EPHA6: variants seen among roughly 807,000 people sequenced by gnomAD.
EPHA6 encodes ephrin type-A receptor 6.
A neutral mutation model predicts 112.0 loss-of-function variants in EPHA6; 50 were observed. The observed-to-expected ratio is 0.45, with a 90% CI of 0.36 to 0.56. The LOEUF (loss-of-function observed/expected upper bound fraction) is 0.56, where lower values mean the gene tolerates loss of function less well. Ranked by LOEUF, EPHA6 falls within the 20% of genes least tolerant of loss-of-function variation. The pLI is 0.00. For missense variants in EPHA6, 1,280 were observed against 1,417.4 expected, an observed-to-expected ratio of 0.90 and a Z score of 1.56; for synonymous variants, 529 against 490.7, an observed-to-expected ratio of 1.08 and a Z score of -1.03.
intron 4 of EPHA6, among the ~76,000 whole-genome samples, chr3:97,233,737 G>T (rs2108560582): frequency 6.6e-6 from 1 of 152,174 alleles, no homozygotes; most frequent in South Asian, 2.1e-4. Flanking sequence ...GGATTTAAAA[G>T]GAAGCATTTT....
At chr3:97,403,168 A>G (rs1212060777) in intron 5 of EPHA6, among the ~76,000 whole-genome samples, 1 of 152,112 alleles carries the variant, frequency 6.6e-6, no homozygotes, top group Non-Finnish European at 1.5e-5. Context: ...AACTTTATAT[A>G]TATATGAAAC....
At chr3:97,675,155 C>T (rs1177036699) in intron 14 of EPHA6, among the ~76,000 whole-genome samples, 4 of 152,116 alleles carry the variant, frequency 2.6e-5, no homozygotes, top group African/African-American at 9.7e-5. Flanking sequence ...ACAAAACATG[C>T]AGAACTTGAA....
intron 4 of EPHA6, among the ~76,000 whole-genome samples, chr3:97,234,316 C>CA (rs1016876445): frequency 1.1e-4 from 16 of 151,608 alleles, no homozygotes; most frequent in East Asian, 5.8e-4. Context: ...TTTATATTAT[C>CA]AAAAAAAATG....
At chr3:97,516,061 A>G (rs2092443870) in intron 10 of EPHA6, among the ~76,000 whole-genome samples, 1 of 152,164 alleles carries the variant, frequency 6.6e-6, no homozygotes, top group Non-Finnish European at 1.5e-5. Context: ...TCTCTATGGT[A>G]TCGGTATAAT....
chr3:97,254,231 C>T (rs2079232910), intron 5 of EPHA6, among the ~76,000 whole-genome samples: 2 of 152,088 alleles, frequency 1.3e-5, no homozygotes, highest in South Asian at 4.1e-4. Context: ...CCCTGTCGCC[C>T]AGGCTGGAGT....
chr3:97,750,401 G>A lies in EPHA6; in HGVS notation c.*1700G>A, dbSNP rs2035870174. ...GGAGGCGTTTTGCTCTTGTTGCCCA[G>A]GCTGGAGTGCAATGGTGAGATCTTG... On this transcript the variant is annotated 3_prime_UTR_variant, in exon 18 of 18. Transcript: ENST00000389672. Among the ~76,000 whole-genome samples the A allele has an allele frequency of 6.6e-6, 1 of 151,702 alleles. No homozygotes were observed. The highest frequency in any genetic ancestry group is 1.5e-5 in the Non-Finnish European group (1 of 67,974).
At chr3:97,221,632 C>G (rs2078203848) in intron 3 of EPHA6, among the ~76,000 whole-genome samples, 1 of 152,126 alleles carries the variant, frequency 6.6e-6, no homozygotes, top group African/African-American at 2.4e-5. Context: ...TCTAACAAAA[C>G]CTAAGACCAC....
intron 7 of EPHA6, among the ~76,000 whole-genome samples, chr3:97,471,387 C>G (rs1361810907): frequency 6.6e-6 from 1 of 151,656 alleles, no homozygotes; most frequent in Non-Finnish European, 1.5e-5. Flanking sequence ...AACTGAAAAT[C>G]CATGAGCACA....
At chr3:97,185,336 C>T (rs2077097143) in intron 3 of EPHA6, among the ~76,000 whole-genome samples, 1 of 152,152 alleles carries the variant, frequency 6.6e-6, no homozygotes, top group South Asian at 2.1e-4. Context: ...GGCTAATATC[C>T]AGAATCTATA....
chr3:97,608,452 G>C (rs1264532138), intron 12 of EPHA6, among the ~76,000 whole-genome samples: 1 of 151,260 alleles, frequency 6.6e-6, no homozygotes, highest in African/African-American at 2.4e-5. Context: ...AAGTGACCTT[G>C]AGAAACCCAG....
chr3:97,730,478 T>C (rs1416311090), intron 15 of EPHA6, among the ~76,000 whole-genome samples: 1 of 152,120 alleles, frequency 6.6e-6, no homozygotes, highest in African/African-American at 2.4e-5. Context: ...TCTTACATTA[T>C]AACCTTGTAT....
At chr3:96,911,452 T>A (rs933626467) in intron 2 of EPHA6, among the ~76,000 whole-genome samples, 2 of 152,052 alleles carry the variant, frequency 1.3e-5, no homozygotes, top group East Asian at 3.8e-4. Flanking sequence ...TAGGTAGATA[T>A]AGTAAAATAT....
chr3:97,209,972 A>G (rs2077822287), intron 3 of EPHA6, among the ~76,000 whole-genome samples: 1 of 152,208 alleles, frequency 6.6e-6, no homozygotes, highest in African/African-American at 2.4e-5. Flanking sequence ...ATGAAATAAA[A>G]GTTGTGTAAT....
intron 5 of EPHA6, among the ~76,000 whole-genome samples, chr3:97,325,982 A>G (rs1254153325): frequency 6.6e-6 from 1 of 151,916 alleles, no homozygotes; most frequent in Non-Finnish European, 1.5e-5. Flanking sequence ...TTCAAGAGAT[A>G]GCAGTGATTG....
chr3:97,586,996 A>C (rs2107319028), intron 11 of EPHA6, among the ~76,000 whole-genome samples: 1 of 152,334 alleles, frequency 6.6e-6, no homozygotes, highest in East Asian at 1.9e-4. Flanking sequence ...CAATCCCAGC[A>C]CTTTGGAAAG....
intron 3 of EPHA6, among the ~76,000 whole-genome samples, chr3:97,002,859 T>C (rs1559660137): frequency 6.6e-6 from 1 of 152,068 alleles, no homozygotes. Context: ...TATTAAAATG[T>C]GTTTAAAGGA....
At chr3:97,006,950 G>T (rs1205220104) in intron 3 of EPHA6, among the ~76,000 whole-genome samples, 1 of 152,176 alleles carries the variant, frequency 6.6e-6, no homozygotes, top group Non-Finnish European at 1.5e-5. Context: ...TAATTTGATT[G>T]CACTGTGTTT....
rs146410042 is a variant in EPHA6 at position 97,624,679 on chromosome 3, T to C, written c.2575-13194T>C. On this transcript the variant is annotated intron_variant, in intron 13 of 17. Coordinates refer to ENST00000389672, the MANE Select transcript of EPHA6 (RefSeq NM_001080448.3). ...CACCAATAAAGCCATCATCATCAGG[T>C]CCAAGGATTTTCTTTATCAAGAGAT... Among the ~76,000 whole-genome samples the C allele has an allele frequency of 2.1e-3, 325 of 151,726 alleles. 1 individual carries two copies. Among genetic ancestry groups the C allele is most frequent in the African/African-American group, 7.3e-3 (305 of 41,498 alleles).
intron 6 of EPHA6, among the ~76,000 whole-genome samples, chr3:97,416,564 G>A (rs1225992384): frequency 6.6e-6 from 1 of 152,052 alleles, no homozygotes; most frequent in Non-Finnish European, 1.5e-5. Flanking sequence ...AGTGTTCTGT[G>A]GCTTGAATAT....
Sources: allele counts gnomAD v4.1 joint callset (sites outside exome capture counted in the v4.1 genomes callset), GRCh38; gene constraint gnomAD v4.1.1; transcripts MANE v1.5; gene names NCBI Gene and HGNC (gene_info 2026-07-23, HGNC 2026-07-21).